Variants in DALRD3 observed in about 807,000 individuals in gnomAD.
DALRD3 encodes the protein DALR anticodon binding domain containing 3, also known as DALR anticodon-binding domain-containing protein 3.
A neutral mutation model predicts 56.7 loss-of-function variants in DALRD3; 47 were observed. That is an observed-to-expected ratio of 0.83 (90% confidence interval 0.66 to 1.06). The LOEUF is 1.06. Among genes scored for constraint, DALRD3 ranks in the 50% least tolerant of loss-of-function variants. The pLI is 0.00. For missense variants in DALRD3, 787 were observed against 724.0 expected, an observed-to-expected ratio of 1.09 and a Z score of -1.00; for synonymous variants, 347 against 308.5, an observed-to-expected ratio of 1.12 and a Z score of -1.31.
chr3:49,016,032 G>C lies in DALRD3; in HGVS notation c.1384C>G (p.Arg462Gly), dbSNP rs761752333. The C allele has an allele frequency of 3.1e-6, 5 of 1,602,162 alleles. No individual in the cohort carries two copies. In the African/African-American group the frequency reaches 4.0e-5, roughly 13 times the overall value. The change falls in exon 10 of 12, where the codon CGG becomes GGG. Residue 462 changes from arginine (R) to glycine (G), a missense_variant. Coordinates refer to ENST00000341949, the MANE Select transcript of DALRD3 (RefSeq NM_001009996.3). ...SILPFPDLLSRTAVLDCTAPG... is the reference protein window; with the variant it reads ...SILPFPDLLSGTAVLDCTAPG... ...GCTGTGCAGTCCAGCACTGCTGTCC[G>C]GCTCAGCAGATCCGGAAAGGGGAGG...
intron 5 of DALRD3, 71 bp downstream of exon 5, chr3:49,017,157 G>C (rs1459977863): frequency 1.9e-6 from 3 of 1,603,192 alleles, no homozygotes; most frequent in Non-Finnish European, 2.6e-6. Context: ...CAAGCCCCTC[G>C]GTGGGTTTTC....
upstream of DALRD3, chr3:49,018,922 C>T (rs2093127056): frequency 2.0e-6 from 2 of 985,486 alleles, no homozygotes; most frequent in Non-Finnish European, 1.2e-6. Flanking sequence ...TTTCATTTCT[C>T]CCATTTTACA....
chr3:49,016,233 C>CTT lies in DALRD3; in HGVS notation c.1252_1253dup (p.Cys419SerfsTer15), dbSNP rs866756776. On this transcript the variant is annotated frameshift_variant, in exon 9 of 12. Coordinates refer to ENST00000341949, the MANE Select transcript of DALRD3 (RefSeq NM_001009996.3). LOFTEE classifies it high-confidence loss of function. ...GGTACAGACCTTGTTCCATACTACA[C>CTT]TTGTAACTCTCAAAGAGTGTGGCAA... 3 of 1,614,206 alleles carry CTT rather than the reference C, an allele frequency of 1.9e-6. No homozygotes were observed. The highest frequency in any genetic ancestry group is 2.5e-6 in the Non-Finnish European group (3 of 1,180,030).
Position 49,016,839 on chromosome 3 carries a change from G to T in DALRD3, c.936C>A (p.Leu312=). The T allele has an allele frequency of 6.2e-7, 1 of 1,614,192 alleles. No homozygotes were observed. Among genetic ancestry groups the T allele is most frequent in the Non-Finnish European group, 8.5e-7 (1 of 1,180,034 alleles). ...CAGCTACTTTCACAGGGCCACAGATGAGGTGCTTCTGTCAGAAAGATGTCA... is the reference window on the plus strand; with the variant it reads ...CAGCTACTTTCACAGGGCCACAGATTAGGTGCTTCTGTCAGAAAGATGTCA... ...VDKAPLRQKH[L]ICGPVKVAGA... The change falls in exon 6 of 12, where the codon CTC becomes CTA. Residue 312 remains leucine (L), a synonymous_variant. Transcript: ENST00000341949.
Position 49,018,551 on chromosome 3 carries a change from C to A in DALRD3, c.14G>T (p.Arg5Leu). Residue 5 changes from arginine (R) to leucine (L), a missense_variant, in exon 1 of 12, where the codon CGC becomes CTC. Physicochemically the swap from Arg to Leu is moderately radical, Grantham distance 102. Coordinates refer to ENST00000341949, the MANE Select transcript of DALRD3 (RefSeq NM_001009996.3). ...CCCCAGCGTCTCCCCGACCCCAAGGCGCCTGGTCGCCATGGTGACCGGAAG... is the reference window on the plus strand; with the variant it reads ...CCCCAGCGTCTCCCCGACCCCAAGGAGCCTGGTCGCCATGGTGACCGGAAG... MATR[R>L]LGVGETLGAL... 6.4e-7 allele frequency: 1 copy of A among 1,574,492 alleles called. No individual in the cohort carries two copies. Among genetic ancestry groups the A allele is most frequent in the Non-Finnish European group, 8.6e-7 (1 of 1,161,742 alleles).
chr3:49,021,459 C>A (rs1274582251), upstream of DALRD3: 2 of 153,340 alleles, frequency 1.3e-5, no homozygotes, highest in Non-Finnish European at 2.9e-5. The surrounding 1 kb of genome is among the most constrained non-coding windows in gnomAD (Gnocchi z 4.1). Flanking sequence ...CTGGGCCAGC[C>A]GAACAGCCAC....
upstream of DALRD3, chr3:49,020,772 G>A (rs921856757): frequency 7.8e-5 from 33 of 422,848 alleles, no homozygotes; most frequent in South Asian, 4.9e-4. Context: ...ATCAGAACCC[G>A]CCCATCCCCA....
upstream of DALRD3, chr3:49,021,279 C>G (rs1472140051): frequency 6.6e-6 from 1 of 152,374 alleles, no homozygotes; most frequent in East Asian, 1.9e-4. The surrounding 1 kb of genome is among the most constrained non-coding windows in gnomAD (Gnocchi z 4.1). Flanking sequence ...ACAGAGCCGG[C>G]GTGCCGAGAT....
chr3:49,016,727 C>T, intron 6 of DALRD3, 47 bp downstream of exon 6: 3 of 1,613,474 alleles, frequency 1.9e-6, no homozygotes, highest in Non-Finnish European at 1.7e-6. Flanking sequence ...AAAGAGTCCC[C>T]CCTCATTACC....
rs139323774 is a variant in DALRD3 at position 49,016,667 on chromosome 3, C to T, written c.1008G>A (p.Arg336=). The change falls in exon 7 of 12, where the codon CGG becomes CGA. Residue 336 remains arginine, a synonymous_variant. Transcript: ENST00000341949. ...CTGAGGCCTTGCACACCTGGGTATG[C>T]CGGAACCTGTGTTTGGAAGAGAGGA... ...LMTAPEYYEF[R]HTQVCKASAL... 3 of 1,601,492 alleles carry T rather than the reference C, an allele frequency of 1.9e-6. No individual in the cohort carries two copies. The African/African-American group carries it at 4.0e-5, about 21-fold the overall frequency.
chr3:49,016,887 A>G (rs2106728679), intron 5 of DALRD3, 40 bp from the exon 6 acceptor site: 2 of 1,612,124 alleles, frequency 1.2e-6, no homozygotes, highest in Non-Finnish European at 1.7e-6. Flanking sequence ...AGTTGGCGCT[A>G]CTCTCCAGGA....
upstream of DALRD3, chr3:49,018,663 C>T (rs1369836300): frequency 3.5e-6 from 5 of 1,434,206 alleles, no homozygotes; most frequent in Admixed American, 8.6e-5. Flanking sequence ...CGGTGGTCCC[C>T]GTAAGTGGAC....
upstream of DALRD3, chr3:49,018,692 C>T: frequency 7.1e-7 from 1 of 1,411,218 alleles, no homozygotes; most frequent in South Asian, 1.6e-5. Context: ...CAGTGGTAGC[C>T]CTGTCGGCTG....
In DALRD3 at chr3:49,016,179, G is replaced by T. The variant is rs150070120; in HGVS notation, c.1308C>A (p.Asp436Glu). ...YPTFPPVSSLDFSLLHDEGEW... is the reference protein window; with the variant it reads ...YPTFPPVSSLEFSLLHDEGEW... ...TCACCTCATCATGTAGCAGTGAGAA[G>T]TCCAGACTGCTCACAGGAGGAAAAG... is the stretch of plus-strand genomic sequence containing the variant. The change falls in exon 9 of 12, where the codon GAC becomes GAA. Residue 436 changes from aspartate to glutamate, a missense_variant. Coordinates refer to ENST00000341949, the MANE Select transcript of DALRD3 (RefSeq NM_001009996.3). The T allele has an allele frequency of 1.2e-6, 2 of 1,614,138 alleles. No individual in the cohort carries two copies. The highest frequency in any genetic ancestry group is 2.2e-5 in the South Asian group (2 of 91,080).
At position 49,015,524 on chromosome 3, in the gene DALRD3, G is replaced by GTTT; in HGVS notation, c.*61_*63dup. 6.2e-7 allele frequency: 1 copy of GTTT among 1,601,214 alleles called. No homozygotes were observed. Among genetic ancestry groups the GTTT allele is most frequent in the Admixed American group, 1.7e-5 (1 of 58,262 alleles). The stretch of plus-strand genomic sequence containing the variant: ...CAGTACCAATTTATTTTGGCCGTGG[G>GTTT]TTTTTGCTTTTTTTCCAGTTGATGA... On this transcript the variant is annotated 3_prime_UTR_variant, in exon 12 of 12. Transcript: ENST00000341949.
rs757183504 is a variant in DALRD3, at chr3:49,018,174, C to G, written c.310G>C (p.Ala104Pro). The G allele has an allele frequency of 2.8e-6, 4 of 1,451,044 alleles. No individual in the cohort carries two copies. The highest frequency in any genetic ancestry group is 3.6e-6 in the Non-Finnish European group (4 of 1,113,282). The allele number at this position is 1,451,044 out of a possible 1,614,324, so 89.9% of individuals were successfully genotyped here. A position where few individuals can be genotyped will look rare whatever the true frequency, so the allele number is the denominator to read the frequency against. Reference protein sequence around the residue: ...VFERVLSAVAAYATPASPASL... With the variant: ...VFERVLSAVAPYATPASPASL... ...GCAGGCGAGGCGGGCGTGGCATAGG[C>G]GGCCACGGCGCTGAGGACGCGCTCG... The change falls in exon 2 of 12, where the codon GCC (alanine) becomes CCC (proline). Residue 104 changes from alanine to proline, a missense_variant. Transcript: ENST00000341949.
In DALRD3 at chr3:49,015,699, T is replaced by G; in HGVS notation, c.1521A>C (p.Arg507=). ...YNRVHILGEP[R]PHLFGQMFVR... is the part of the protein sequence containing the mutation. ...CGAACATCTGACCAAAGAGGTGTGG[T>G]CGAGGCTCCTGAAAGAGAAAGGGCC... The change falls in exon 12 of 12, where the codon CGA becomes CGC. Residue 507 remains arginine (R), a synonymous_variant. Coordinates refer to ENST00000341949, the MANE Select transcript of DALRD3 (RefSeq NM_001009996.3). 1 of 1,614,048 alleles carries G rather than the reference T, an allele frequency of 6.2e-7. No homozygotes were observed. The highest frequency in any genetic ancestry group is 8.5e-7 in the Non-Finnish European group (1 of 1,180,000).
chr3:49,017,113 C>A (rs1404526083), intron 5 of DALRD3, 115 bp downstream of exon 5: 73 of 1,464,782 alleles, frequency 5.0e-5, no homozygotes, highest in Non-Finnish European at 6.8e-5. Flanking sequence ...TCCAGCAACT[C>A]CCCCAAGGTC....
At position 49,015,627 on chromosome 3, in the gene DALRD3, G is replaced by C. The variant is rs374525061; in HGVS notation, c.1593C>G (p.Gly531=). 1.3e-5 allele frequency: 21 copies of C among 1,614,020 alleles called. No individual in the cohort carries two copies. The highest frequency in any genetic ancestry group is 4.0e-5 in the African/African-American group (3 of 74,898). The stretch of plus-strand genomic sequence containing the variant: ...GTGGAGGGAGACCCAGCATAGCCAG[G>C]CCAGTATGGAGCACCTCACGCACAG... ...LRAVREVLHT[G]LAMLGLPPLS... is the part of the protein sequence containing the mutation. The change falls in exon 12 of 12, where the codon GGC becomes GGG. Residue 531 remains glycine, a synonymous_variant. Coordinates refer to ENST00000341949, the MANE Select transcript of DALRD3 (RefSeq NM_001009996.3).
Sources: allele counts gnomAD v4.1 joint callset, GRCh38; gene constraint gnomAD v4.1.1; non-coding constraint Gnocchi (gnomAD v3.1); transcripts MANE v1.5; gene names NCBI Gene and HGNC (gene_info 2026-07-23, HGNC 2026-07-21).